The following POU6F2 variants were observed in gnomAD, a reference collection of about 807,000 sequenced individuals.
POU6F2 encodes the protein POU domain, class 6, transcription factor 2.
A neutral mutation model predicts 71.3 loss-of-function variants in POU6F2; 31 were observed. The ratio of observed to expected loss-of-function variants is 0.43; its 90% CI spans 0.33 to 0.59. The LOEUF is 0.59. Among genes scored for constraint, POU6F2 ranks in the 20% least tolerant of loss-of-function variants. POU6F2 has a pLI of 0.04. For synonymous variants in POU6F2, 347 were observed against 355.7 expected (o/e 0.98, Z 0.27); for missense variants, 783 against 856.8 (o/e 0.91, Z 1.07).
chr7:39,375,258 G>A (rs1260767271), intron 5 of POU6F2, among the ~76,000 whole-genome samples: 1 of 152,156 alleles, frequency 6.6e-6, no homozygotes, highest in Admixed American at 6.5e-5. Flanking sequence ...GAGACCACAA[G>A]TGTATTGAGA....
intron 4 of POU6F2, among the ~76,000 whole-genome samples, chr7:39,229,729 A>G (rs1483062818): frequency 6.6e-6 from 1 of 152,252 alleles, no homozygotes; most frequent in Non-Finnish European, 1.5e-5. Context: ...GTGTTAAAGA[A>G]ACAGGCAGGT....
intron 4 of POU6F2, among the ~76,000 whole-genome samples, chr7:39,261,808 A>C (rs545316328): frequency 1.7e-4 from 26 of 152,314 alleles, no homozygotes; most frequent in Non-Finnish European, 2.9e-4. Flanking sequence ...TGTCATGTTT[A>C]TGCAGATTGC....
At chr7:39,403,646 G>A (rs1295215926) in intron 5 of POU6F2, among the ~76,000 whole-genome samples, 1 of 152,166 alleles carries the variant, frequency 6.6e-6, no homozygotes, top group African/African-American at 2.4e-5. Context: ...AAGAAATATC[G>A]ATAGGAGCAG....
At chr7:39,322,433 T>C (rs1398890295) in intron 4 of POU6F2, among the ~76,000 whole-genome samples, 1 of 152,226 alleles carries the variant, frequency 6.6e-6, no homozygotes, top group South Asian at 2.1e-4. Context: ...CTCTCCAGAT[T>C]GAGTGGAATT....
chr7:39,300,097 TGCCAATCACCTTCA>T (rs1784926092), intron 4 of POU6F2, among the ~76,000 whole-genome samples: 1 of 152,154 alleles, frequency 6.6e-6, no homozygotes, highest in Non-Finnish European at 1.5e-5. Flanking sequence ...TATTTTCCAG[TGCCAATCACCTTCA>T]GCCACTGATG....
intron 2 of POU6F2, among the ~76,000 whole-genome samples, chr7:39,192,081 A>G (rs970739640): frequency 8.5e-5 from 13 of 152,222 alleles, no homozygotes; most frequent in Non-Finnish European, 4.4e-5. Context: ...GTTGTGCGAC[A>G]TCTTTCTCTT....
intron 1 of POU6F2, among the ~76,000 whole-genome samples, chr7:39,042,627 A>G (rs1000869): frequency 0.28 from 43,129 of 151,920 alleles, 6,790 homozygotes; most frequent in East Asian, 0.73. Context: ...GACCTAGCCT[A>G]TGCTGACTGT....
chr7:39,161,147 T>G (rs1227676933), intron 2 of POU6F2, among the ~76,000 whole-genome samples: 1 of 152,166 alleles, frequency 6.6e-6, no homozygotes, highest in Non-Finnish European at 1.5e-5. Flanking sequence ...CATCACCCAC[T>G]CCAGGCACCA....
rs1359528329 is a variant in POU6F2 at position 39,240,767 on chromosome 7, A to G, written c.598+33147A>G. Among the ~76,000 whole-genome samples, 3 of 152,292 alleles carry G rather than the reference A, an allele frequency of 2.0e-5. No homozygotes were observed. In the East Asian group the frequency reaches 5.8e-4, roughly 29 times the overall value. On this transcript the variant is annotated intron_variant, in intron 4 of 9. Coordinates refer to ENST00000518318, the MANE Select transcript of POU6F2 (RefSeq NM_001370959.1). The stretch of plus-strand genomic sequence containing the variant: ...ATAATAGTTTCTTTGATAAATAAAT[A>G]CTAATGAAGTTTTTGTTATTTAATG...
chr7:39,017,004 G>A (rs1184566488), intron 1 of POU6F2, among the ~76,000 whole-genome samples: 1 of 152,154 alleles, frequency 6.6e-6, no homozygotes. Flanking sequence ...GCCTTTGGGA[G>A]GGGAAGGCTG....
intron 4 of POU6F2, among the ~76,000 whole-genome samples, chr7:39,280,366 A>G (rs1784540368): frequency 1.3e-5 from 2 of 152,200 alleles, no homozygotes; most frequent in Non-Finnish European, 2.9e-5. Flanking sequence ...AACACAGTCC[A>G]TGCTGCTTCC....
In POU6F2 at chr7:39,030,539, T is replaced by C. The variant is rs938749824; in HGVS notation, c.105+52481T>C. Among the ~76,000 whole-genome samples, 266 of 123,952 alleles carry C rather than the reference T, an allele frequency of 2.1e-3. 12 individuals carry two copies. The highest frequency in any genetic ancestry group is 7.6e-3 in the African/African-American group (253 of 33,458). 81.3% of individuals were successfully genotyped at this position (123,952 alleles called of 152,430 possible). On this transcript the variant is annotated intron_variant, in intron 1 of 9. Transcript: ENST00000518318. ...ATATATATATATATATATATATATATATATACACACACATACATATATTCC... is the reference window on the plus strand; with the variant it reads ...ATATATATATATATATATATATATACATATACACACACATACATATATTCC...
intron 2 of POU6F2, among the ~76,000 whole-genome samples, chr7:39,139,599 G>A (rs1398110052): frequency 6.6e-6 from 1 of 152,092 alleles, no homozygotes; most frequent in Non-Finnish European, 1.5e-5. Flanking sequence ...AACCAACTCC[G>A]GCCACGATTT....
At position 39,207,304 on chromosome 7, in the gene POU6F2, G is replaced by A. The variant is rs571826391; in HGVS notation, c.370-88G>A. 9 of 1,253,090 alleles carry A rather than the reference G, an allele frequency of 7.2e-6. No homozygotes were observed. In the East Asian group the frequency reaches 1.9e-4, roughly 26 times the overall value. 77.6% of individuals were successfully genotyped at this position (1,253,090 alleles called of 1,614,324 possible). A position where few individuals can be genotyped will look rare whatever the true frequency, so the allele number is the denominator to read the frequency against. ...TTTGGTACTTCTTCGGGAACTTTCT[G>A]ACCCTACTTAAGTGGAAAGAAGATG... is the stretch of plus-strand genomic sequence containing the variant. On this transcript the variant is annotated intron_variant, in intron 3 of 9. Coordinates refer to ENST00000518318, the MANE Select transcript of POU6F2 (RefSeq NM_001370959.1).
intron 7 of POU6F2, among the ~76,000 whole-genome samples, chr7:39,442,057 A>G (rs947828829): frequency 2.0e-5 from 3 of 152,176 alleles, no homozygotes; most frequent in Non-Finnish European, 4.4e-5. Flanking sequence ...TCCTGATCCA[A>G]CCACGAAAAC....
chr7:39,044,803 TTTTCCATATGATGTTTTATAAG>T (rs1790256442), intron 1 of POU6F2, among the ~76,000 whole-genome samples: 1 of 151,972 alleles, frequency 6.6e-6, no homozygotes, highest in Non-Finnish European at 1.5e-5. Context: ...GAAAAGATAT[TTTTCCATATGATGTTTTATAAG>T]AAGGCTGTGA....
intron 2 of POU6F2, among the ~76,000 whole-genome samples, chr7:39,133,191 G>A (rs1397845873): frequency 3.9e-5 from 6 of 152,312 alleles, no homozygotes; most frequent in East Asian, 3.9e-4. Context: ...GAGCCTGGCC[G>A]TGTCATTCCT....
intron 1 of POU6F2, among the ~76,000 whole-genome samples, chr7:38,992,054 C>T (rs1461193521): frequency 1.3e-5 from 2 of 152,172 alleles, no homozygotes; most frequent in South Asian, 2.1e-4. Flanking sequence ...ACTCCTTCCC[C>T]TTATCTCCTA....
chr7:39,277,303 G>A (rs936543727), intron 4 of POU6F2, among the ~76,000 whole-genome samples: 1 of 152,082 alleles, frequency 6.6e-6, no homozygotes, highest in African/African-American at 2.4e-5. Flanking sequence ...TTTGCTACAT[G>A]GGTATATTGC....
Sources: gnomAD v4.1 joint callset for allele counts (sites outside exome capture counted in the v4.1 genomes callset) on GRCh38, gnomAD v4.1.1 for gene constraint, MANE v1.5 for transcripts, NCBI Gene and HGNC (gene_info 2026-07-23, HGNC 2026-07-21) for gene names.